MYO1D: variants seen among roughly 807,000 people sequenced by gnomAD.
The protein encoded by MYO1D is unconventional myosin-Id.
A neutral mutation model predicts 122.0 loss-of-function variants in MYO1D; 83 were observed. The ratio of observed to expected loss-of-function variants is 0.68; its 90% CI spans 0.57 to 0.82. The LOEUF (loss-of-function observed/expected upper bound fraction) is 0.82. Among genes scored for constraint, MYO1D ranks in the 40% least tolerant of loss-of-function variants. The probability of loss-of-function intolerance (pLI) is 0.00; values close to 1 mark genes in which losing one functional copy is unlikely to be tolerated. For synonymous variants in MYO1D, 464 were observed against 446.9 expected, an observed-to-expected ratio of 1.04 and a Z score of -0.48; for missense variants, 1,157 against 1,269.5, an observed-to-expected ratio of 0.91 and a Z score of 1.35.
chr17:32,679,204 T>C (rs1353586205), intron 16 of MYO1D, among the ~76,000 whole-genome samples: 1 of 150,620 alleles, frequency 6.6e-6, no homozygotes, highest in African/African-American at 2.4e-5. Context: ...TCCCATTTTG[T>C]AGGTTGCCTG....
intron 21 of MYO1D, among the ~76,000 whole-genome samples, chr17:32,543,649 T>C (rs545083956): frequency 6.6e-6 from 1 of 152,308 alleles, no homozygotes; most frequent in Non-Finnish European, 1.5e-5. Context: ...AGGGCTGCCA[T>C]GCTGTACTAC....
intron 16 of MYO1D, among the ~76,000 whole-genome samples, chr17:32,675,290 T>G (rs1260905357): frequency 1.3e-5 from 2 of 152,212 alleles, no homozygotes; most frequent in Non-Finnish European, 2.9e-5. Flanking sequence ...TAAAGTAGAA[T>G]GCTGGATATA....
chr17:32,876,311 G>T (rs1182231532), intron 1 of MYO1D, among the ~76,000 whole-genome samples: 1 of 152,128 alleles, frequency 6.6e-6, no homozygotes, highest in Non-Finnish European at 1.5e-5. Context: ...AAGAAAAGAA[G>T]CAAGTGTAAA....
chr17:32,820,327 G>A (rs948840671), intron 1 of MYO1D, among the ~76,000 whole-genome samples: 12 of 152,168 alleles, frequency 7.9e-5, no homozygotes, highest in African/African-American at 2.9e-4. Context: ...CATGTTCACT[G>A]CAGCATATTC....
At chr17:32,505,605 A>T (rs1241542636) in intron 21 of MYO1D, 1 of 152,162 alleles carries the variant, frequency 6.6e-6, no homozygotes, top group Non-Finnish European at 1.5e-5. Flanking sequence ...CACCAGAAGA[A>T]GTCTGCCTTC....
Position 32,828,189 on chromosome 17 carries a change from T to C in MYO1D, c.96-47405A>G, listed in dbSNP as rs532652957. ...GAGGTCATTGTTCTGTGTAAGTAAA[T>C]TGGATTCTGTTTGTTTTCTCCCGTG... On this transcript the variant is annotated intron_variant, in intron 1 of 21. Transcript: ENST00000318217. 8.5e-5 allele frequency among the ~76,000 whole-genome samples: 13 copies of C among 152,124 alleles called. No individual in the cohort carries two copies. The East Asian group carries it at 2.5e-3, about 29-fold the overall frequency.
At chr17:32,640,310 G>A (rs1008349218) in intron 19 of MYO1D, among the ~76,000 whole-genome samples, 3 of 152,082 alleles carry the variant, frequency 2.0e-5, no homozygotes, top group Non-Finnish European at 4.4e-5. Context: ...TTCTATAGCA[G>A]CATTTTTCTT....
chr17:32,702,393 A>G (rs1169900853), intron 16 of MYO1D, among the ~76,000 whole-genome samples: 1 of 152,184 alleles, frequency 6.6e-6, no homozygotes, highest in Non-Finnish European at 1.5e-5. Context: ...CTACCCTATA[A>G]TTCCACTTTG....
intron 20 of MYO1D, among the ~76,000 whole-genome samples, chr17:32,623,225 T>C (rs140088164): frequency 6.6e-6 from 1 of 152,330 alleles, no homozygotes; most frequent in East Asian, 1.9e-4. Flanking sequence ...GGTCTATGCT[T>C]AGATATGGTT....
chr17:32,690,414 A>G (rs898312249), intron 16 of MYO1D, among the ~76,000 whole-genome samples: 1 of 152,110 alleles, frequency 6.6e-6, no homozygotes, highest in African/African-American at 2.4e-5. Context: ...AGCTCAGGCA[A>G]TCTGCCTGAC....
intron 17 of MYO1D, 125 bp from the exon 18 acceptor site, chr17:32,654,746 C>T (rs188880686): frequency 2.4e-6 from 2 of 835,438 alleles, no homozygotes; most frequent in Non-Finnish European, 3.4e-6. Flanking sequence ...GGCATGATCT[C>T]AGCTCACTGC....
intron 21 of MYO1D, among the ~76,000 whole-genome samples, chr17:32,508,582 T>C (rs1250089386): frequency 6.6e-6 from 1 of 152,248 alleles, no homozygotes; most frequent in Non-Finnish European, 1.5e-5. Flanking sequence ...GGCCAGTCTA[T>C]GGTATCTTGT....
At chr17:32,519,906 A>ATTTTT (rs1201382792) in intron 21 of MYO1D, among the ~76,000 whole-genome samples, 47 of 142,600 alleles carry the variant, frequency 3.3e-4, no homozygotes, top group East Asian at 1.3e-3. Flanking sequence ...TTTTTTAAAA[A>ATTTTT]AAAAAACCAG....
intron 21 of MYO1D, among the ~76,000 whole-genome samples, chr17:32,541,636 G>T (rs1339662677): frequency 1.3e-5 from 2 of 152,120 alleles, no homozygotes; most frequent in East Asian, 3.8e-4. Flanking sequence ...TAGAATCAGA[G>T]AGTGGTCCAG....
At chr17:32,817,525 C>T (rs2090622301) in intron 1 of MYO1D, among the ~76,000 whole-genome samples, 1 of 152,128 alleles carries the variant, frequency 6.6e-6, no homozygotes, top group Admixed American at 6.5e-5. Flanking sequence ...CAGGAGTTAC[C>T]ATTTTCAAGG....
intron 1 of MYO1D, among the ~76,000 whole-genome samples, chr17:32,867,775 G>T (rs1304226715): frequency 7.0e-6 from 1 of 143,546 alleles, no homozygotes; most frequent in Non-Finnish European, 1.5e-5. Context: ...CTCCAGCCTG[G>T]GCGACAGAGC....
intron 16 of MYO1D, among the ~76,000 whole-genome samples, chr17:32,690,437 A>T (rs968706221): frequency 6.6e-6 from 1 of 152,136 alleles, no homozygotes; most frequent in Non-Finnish European, 1.5e-5. Flanking sequence ...GGCCTCCCAA[A>T]GTACTGGGAT....
At chr17:32,517,250 C>T (rs975933899) in intron 21 of MYO1D, among the ~76,000 whole-genome samples, 3 of 152,234 alleles carry the variant, frequency 2.0e-5, no homozygotes, top group African/African-American at 4.8e-5. Context: ...GGCAGTTACA[C>T]ATTTGTTTTA....
chr17:32,611,122 A>G (rs111980657), intron 20 of MYO1D, among the ~76,000 whole-genome samples: 1 of 152,284 alleles, frequency 6.6e-6, no homozygotes, highest in African/African-American at 2.4e-5. Context: ...CTGGAAGAGG[A>G]GGCCGGCCTG....
Sources: allele counts gnomAD v4.1 joint callset (sites outside exome capture counted in the v4.1 genomes callset), GRCh38; gene constraint gnomAD v4.1.1; transcripts MANE v1.5; gene names NCBI Gene and HGNC (gene_info 2026-07-23, HGNC 2026-07-21).